Variants in NDUFA5 observed in about 807,000 individuals in gnomAD.
NDUFA5 encodes the protein NADH:ubiquinone oxidoreductase subunit A5.
Under a neutral mutation model 19.8 loss-of-function variants are expected in NDUFA5, and 11 were observed. The observed-to-expected ratio is 0.56, with a 90% CI of 0.35 to 0.92. NDUFA5 has a LOEUF of 0.92. Among genes scored for constraint, NDUFA5 ranks in the 40% least tolerant of loss-of-function variants. NDUFA5 has a pLI of 0.01. For synonymous variants in NDUFA5, 47 were observed against 46.8 expected, an observed-to-expected ratio of 1.00 and a Z score of -0.01; for missense variants, 109 against 134.2, an observed-to-expected ratio of 0.81 and a Z score of 0.93.
chr7:123,538,999 C>T lies in NDUFA5; in HGVS notation c.*3120G>A, dbSNP rs1373710206. 1 of 152,234 alleles carries T rather than the reference C, an allele frequency of 6.6e-6. No individual in the cohort carries two copies. The highest frequency in any genetic ancestry group is 6.5e-5 in the Admixed American group (1 of 15,286). The allele number at this position is 152,234 out of a possible 1,614,324, so 9.4% of individuals were successfully genotyped here. The stretch of plus-strand genomic sequence containing the variant: ...AAATTGACAATAAAATATAAGCTCT[C>T]TTTTCTTCCATCCCCCAATTCTGAG... On this transcript the variant is annotated 3_prime_UTR_variant, in exon 5 of 5. Coordinates refer to ENST00000355749, the MANE Select transcript of NDUFA5 (RefSeq NM_005000.5).
intron 1 of NDUFA5, 82 bp from the exon 2 acceptor site, chr7:123,557,530 A>G: frequency 6.2e-7 from 1 of 1,611,598 alleles, no homozygotes; most frequent in Non-Finnish European, 8.5e-7. Flanking sequence ...AAAACCACGA[A>G]TCCCCCGGCT....
In NDUFA5 at chr7:123,540,361, T is replaced by C. The variant is rs1366413976; in HGVS notation, c.*1758A>G. The C allele has an allele frequency of 2.0e-5, 3 of 152,138 alleles. No homozygotes were observed. Among genetic ancestry groups the C allele is most frequent in the African/African-American group, 7.2e-5 (3 of 41,422 alleles). The allele number at this position is 152,138 out of a possible 1,614,324, so 9.4% of individuals were successfully genotyped here. A position where few individuals can be genotyped will look rare whatever the true frequency, so the allele number is the denominator to read the frequency against. ...TTAGCAAAAAAGTTCAGTAACACTGTTGGTGAAACATAAAAGATGCCCAAG... is the reference window on the plus strand; with the variant it reads ...TTAGCAAAAAAGTTCAGTAACACTGCTGGTGAAACATAAAAGATGCCCAAG... On this transcript the variant is annotated 3_prime_UTR_variant, in exon 5 of 5. Transcript: ENST00000355749.
the NDUFA5 span, among the ~76,000 whole-genome samples, chr7:123,597,502 G>C: frequency 2.0e-5 from 3 of 152,130 alleles, no homozygotes; most frequent in Non-Finnish European, 4.4e-5. Flanking sequence ...TGTATTATTT[G>C]TGTTTCCAGG....
intron 2 of NDUFA5, among the ~76,000 whole-genome samples, chr7:123,554,390 A>G (rs1037985607): frequency 2.6e-5 from 4 of 152,184 alleles, no homozygotes; most frequent in Admixed American, 1.3e-4. Context: ...AGAATACAGT[A>G]GCTCCCCTTT....
chr7:123,561,929 G>A (rs1456701125), upstream of NDUFA5, among the ~76,000 whole-genome samples: 2 of 151,802 alleles, frequency 1.3e-5, no homozygotes, highest in South Asian at 2.1e-4. Flanking sequence ...AGCATCTAGT[G>A]TGGTCAGTTC....
chr7:123,570,822 C>A, the NDUFA5 span, among the ~76,000 whole-genome samples: 1 of 152,110 alleles, frequency 6.6e-6, no homozygotes, highest in Non-Finnish European at 1.5e-5. Context: ...TTATATAGTT[C>A]TTTTTCTAAC....
At chr7:123,564,972 C>T in the NDUFA5 span, among the ~76,000 whole-genome samples, 12 of 150,686 alleles carry the variant, frequency 8.0e-5, no homozygotes, top group African/African-American at 2.7e-4. Context: ...CACACACATA[C>T]ATGTAGAGAG....
chr7:123,589,706 T>A, the NDUFA5 span, among the ~76,000 whole-genome samples: 40 of 152,200 alleles, frequency 2.6e-4, no homozygotes, highest in Admixed American at 1.6e-3. Context: ...ACATTTTCTT[T>A]ATCCAGTCTA....
the NDUFA5 span, among the ~76,000 whole-genome samples, chr7:123,590,545 C>A: frequency 6.6e-6 from 1 of 152,114 alleles, no homozygotes; most frequent in African/African-American, 2.4e-5. Context: ...ATATGGCTAG[C>A]CAGTTTTCCC....
intron 3 of NDUFA5, among the ~76,000 whole-genome samples, chr7:123,549,571 G>A (rs1798257886): frequency 6.6e-6 from 1 of 152,184 alleles, no homozygotes; most frequent in African/African-American, 2.4e-5. Flanking sequence ...GAAGCCAGGA[G>A]CTTGAGATCA....
chr7:123,575,241 A>G, the NDUFA5 span, among the ~76,000 whole-genome samples: 1 of 152,058 alleles, frequency 6.6e-6, no homozygotes, highest in Non-Finnish European at 1.5e-5. Flanking sequence ...TTAGTTCCCT[A>G]CTAGGAAAAA....
At chr7:123,587,771 C>T in the NDUFA5 span, among the ~76,000 whole-genome samples, 2 of 151,676 alleles carry the variant, frequency 1.3e-5, no homozygotes, top group Non-Finnish European at 3.0e-5. Context: ...TTGTCAAATA[C>T]TTTTTCTGCA....
the NDUFA5 span, among the ~76,000 whole-genome samples, chr7:123,572,402 G>C: frequency 6.6e-6 from 1 of 151,780 alleles, no homozygotes; most frequent in African/African-American, 2.4e-5. Flanking sequence ...GCCTCCGAAA[G>C]TACTGGGATT....
At chr7:123,601,178 A>G in the NDUFA5 span, among the ~76,000 whole-genome samples, 1 of 152,180 alleles carries the variant, frequency 6.6e-6, no homozygotes, top group Non-Finnish European at 1.5e-5. Context: ...GAAAATCAGT[A>G]AGACAATAAA....
At chr7:123,568,177 G>C in the NDUFA5 span, among the ~76,000 whole-genome samples, 2 of 152,108 alleles carry the variant, frequency 1.3e-5, no homozygotes, top group Admixed American at 6.6e-5. Flanking sequence ...CTGAGATTTG[G>C]ATTAAGTTTA....
At chr7:123,555,652 G>T (rs1390149617) in intron 2 of NDUFA5, 1 of 152,184 alleles carries the variant, frequency 6.6e-6, no homozygotes, top group East Asian at 1.9e-4. Flanking sequence ...GAAATCATAG[G>T]AAGTGCAAGA....
the NDUFA5 span, among the ~76,000 whole-genome samples, chr7:123,573,538 T>A: frequency 6.6e-6 from 1 of 152,094 alleles, no homozygotes; most frequent in Non-Finnish European, 1.5e-5. Context: ...GAGGGCTTTC[T>A]CTAAACCTCC....
chr7:123,565,350 C>T, the NDUFA5 span, among the ~76,000 whole-genome samples: 64,716 of 151,442 alleles, frequency 0.43, 13,933 homozygotes, highest in South Asian at 0.48. Flanking sequence ...ACGTAACAGA[C>T]GCACCCAGAA....
chr7:123,555,943 C>G (rs1798521821), intron 2 of NDUFA5: 1 of 152,190 alleles, frequency 6.6e-6, no homozygotes, highest in South Asian at 2.1e-4. Context: ...CAAATGGAGG[C>G]TGTGACAAGC....
Sources: gnomAD v4.1 joint callset for allele counts (sites outside exome capture counted in the v4.1 genomes callset) on GRCh38, gnomAD v4.1.1 for gene constraint, MANE v1.5 for transcripts, NCBI Gene and HGNC (gene_info 2026-07-23, HGNC 2026-07-21) for gene names.